KCNQ5: variants seen among roughly 807,000 people sequenced by gnomAD.
KCNQ5 encodes potassium voltage-gated channel subfamily Q member 5.
KCNQ5 carries 30 observed loss-of-function variants against 98.2 expected under a neutral mutation model. That is an observed-to-expected ratio of 0.31 (90% confidence interval 0.23 to 0.41). KCNQ5 has a LOEUF of 0.41. Ranked by LOEUF, KCNQ5 falls within the 10% of genes least tolerant of loss-of-function variation. The pLI is 1.00. For synonymous variants in KCNQ5, 458 were observed against 449.4 expected (o/e 1.02, Z -0.24); for missense variants, 835 against 1,182.5 (o/e 0.71, Z 4.31).
intron 1 of KCNQ5, among the ~76,000 whole-genome samples, chr6:72,660,944 A>C (rs1258802507): frequency 6.6e-6 from 1 of 152,152 alleles, no homozygotes; most frequent in Non-Finnish European, 1.5e-5. Context: ...TATAATAAAA[A>C]GTACTCTTTT....
At chr6:72,626,470 C>A (rs1008200831) in intron 1 of KCNQ5, among the ~76,000 whole-genome samples, 3 of 152,214 alleles carry the variant, frequency 2.0e-5, no homozygotes, top group Non-Finnish European at 4.4e-5. Context: ...AAAGGCAAAT[C>A]ACCAATCTGT....
chr6:72,813,406 G>GT (rs1216319454), intron 1 of KCNQ5, among the ~76,000 whole-genome samples: 14 of 152,012 alleles, frequency 9.2e-5, no homozygotes, highest in Non-Finnish European at 1.6e-4. Context: ...TTATTGCTTC[G>GT]TAAGAGGAAT....
intron 1 of KCNQ5, among the ~76,000 whole-genome samples, chr6:72,631,882 T>C (rs944817042): frequency 5.3e-5 from 8 of 152,208 alleles, no homozygotes; most frequent in Non-Finnish European, 1.2e-4. Context: ...TGTTCTAAAT[T>C]CTTTATGCAC....
At chr6:72,823,133 C>A (rs766821811) in intron 1 of KCNQ5, among the ~76,000 whole-genome samples, 1 of 152,100 alleles carries the variant, frequency 6.6e-6, no homozygotes, top group Non-Finnish European at 1.5e-5. Flanking sequence ...ATTTGGGAGA[C>A]CTCCCCAACC....
chr6:73,134,260 C>T (rs1351975968), intron 10 of KCNQ5: 3 of 168,120 alleles, frequency 1.8e-5, no homozygotes, highest in Non-Finnish European at 3.9e-5. Context: ...ATTCACTTGC[C>T]AACACATTTT....
At chr6:72,649,045 C>T (rs747479460) in intron 1 of KCNQ5, among the ~76,000 whole-genome samples, 1 of 152,156 alleles carries the variant, frequency 6.6e-6, no homozygotes, top group Non-Finnish European at 1.5e-5. Context: ...CAGGGTACCA[C>T]TTCATGTGAC....
chr6:72,849,751 C>T (rs528875267), intron 1 of KCNQ5, among the ~76,000 whole-genome samples: 13 of 152,242 alleles, frequency 8.5e-5, no homozygotes, highest in African/African-American at 2.9e-4. Flanking sequence ...GAGGATTCAT[C>T]AACAATGAAA....
intron 3 of KCNQ5, among the ~76,000 whole-genome samples, chr6:73,053,040 G>A (rs1323598345): frequency 6.6e-6 from 1 of 152,096 alleles, no homozygotes; most frequent in Non-Finnish European, 1.5e-5. Flanking sequence ...CAAACTAAAG[G>A]GATGGAGAAA....
At chr6:73,124,260 T>C (rs1775859083) in intron 8 of KCNQ5, among the ~76,000 whole-genome samples, 1 of 152,240 alleles carries the variant, frequency 6.6e-6, no homozygotes, top group Non-Finnish European at 1.5e-5. Flanking sequence ...GTGGGCAGTC[T>C]TGGCTTTGCC....
intron 2 of KCNQ5, among the ~76,000 whole-genome samples, chr6:73,036,640 C>T (rs1771446621): frequency 6.6e-6 from 1 of 151,966 alleles, no homozygotes; most frequent in Non-Finnish European, 1.5e-5. Flanking sequence ...AATATAATTC[C>T]CTGGCAATTC....
At chr6:72,934,393 ATGG>A (rs1483323117) in intron 1 of KCNQ5, among the ~76,000 whole-genome samples, 2 of 152,166 alleles carry the variant, frequency 1.3e-5, no homozygotes, top group Admixed American at 6.6e-5. Flanking sequence ...GATGGTGGTG[ATGG>A]TGGTGATGAC....
At chr6:72,640,259 C>A (rs764969860) in intron 1 of KCNQ5, among the ~76,000 whole-genome samples, 1 of 151,880 alleles carries the variant, frequency 6.6e-6, no homozygotes, top group Non-Finnish European at 1.5e-5. Flanking sequence ...ATCGTAAACC[C>A]CTCCAAGCAC....
intron 5 of KCNQ5, among the ~76,000 whole-genome samples, chr6:73,091,108 G>A (rs1287381359): frequency 6.6e-6 from 1 of 152,198 alleles, no homozygotes; most frequent in African/African-American, 2.4e-5. Context: ...TAAAGAAAAT[G>A]TGGCACATAT....
At chr6:72,917,193 C>A (rs1780184144) in intron 1 of KCNQ5, among the ~76,000 whole-genome samples, 1 of 152,158 alleles carries the variant, frequency 6.6e-6, no homozygotes, top group Non-Finnish European at 1.5e-5. Context: ...TGCTTATCTT[C>A]TATGGTGTGT....
intron 2 of KCNQ5, among the ~76,000 whole-genome samples, chr6:73,007,113 C>G (rs1042735138): frequency 1.3e-5 from 2 of 152,210 alleles, no homozygotes; most frequent in Non-Finnish European, 2.9e-5. Flanking sequence ...TCATTTCCAT[C>G]CAGAATGGCA....
intron 1 of KCNQ5, among the ~76,000 whole-genome samples, chr6:72,735,190 A>G (rs1236148618): frequency 2.0e-5 from 3 of 152,366 alleles, no homozygotes; most frequent in African/African-American, 4.8e-5. Context: ...ATTGATTATT[A>G]TAACCTATAT....
chr6:72,838,898 C>G (rs898842266), intron 1 of KCNQ5, among the ~76,000 whole-genome samples: 2 of 139,396 alleles, frequency 1.4e-5, no homozygotes, highest in Non-Finnish European at 3.0e-5. Flanking sequence ...TGCAGTGAGC[C>G]GAGATCCCGC....
chr6:73,134,321 C>T (rs968487297), intron 10 of KCNQ5: 3 of 157,998 alleles, frequency 1.9e-5, no homozygotes, highest in Non-Finnish European at 2.8e-5. Flanking sequence ...TTTTATTTTT[C>T]ATTTAAGATA....
intron 1 of KCNQ5, among the ~76,000 whole-genome samples, chr6:72,768,232 A>T (rs1772677657): frequency 6.6e-6 from 1 of 151,914 alleles, no homozygotes; most frequent in Non-Finnish European, 1.5e-5. Context: ...CTGAAACCTA[A>T]AAAGAGGCTG....
Sources: gnomAD v4.1 joint callset for allele counts (sites outside exome capture counted in the v4.1 genomes callset) on GRCh38, gnomAD v4.1.1 for gene constraint, MANE v1.5 for transcripts, NCBI Gene and HGNC (gene_info 2026-07-23, HGNC 2026-07-21) for gene names.